ASPH: variants seen among roughly 807,000 people sequenced by gnomAD.
ASPH encodes the protein aspartate beta-hydroxylase.
A neutral mutation model predicts 118.4 loss-of-function variants in ASPH; 100 were observed. The observed-to-expected ratio is 0.84, with a 90% confidence interval of 0.72 to 1.00. ASPH has a LOEUF of 1.00. ASPH is among the 50% of genes least tolerant of loss of function. The pLI is 0.00. For synonymous variants in ASPH, 315 were observed against 325.6 expected (o/e 0.97, Z 0.35); for missense variants, 920 against 919.5 (o/e 1.00, Z -0.01).
chr8:61,538,594 G>T (rs1820517042), intron 21 of ASPH, among the ~76,000 whole-genome samples: 1 of 152,178 alleles, frequency 6.6e-6, no homozygotes, highest in Non-Finnish European at 1.5e-5. Flanking sequence ...ATTTAGTGCT[G>T]TGTAAGTCTT....
At chr8:61,703,892 A>G (rs1835855012) in intron 1 of ASPH, among the ~76,000 whole-genome samples, 2 of 152,170 alleles carry the variant, frequency 1.3e-5, no homozygotes, top group Non-Finnish European at 2.9e-5. Flanking sequence ...TAGAGTAATC[A>G]AGATTCTGTG....
At chr8:61,567,629 C>A (rs954162094) in intron 16 of ASPH, among the ~76,000 whole-genome samples, 1 of 152,014 alleles carries the variant, frequency 6.6e-6, no homozygotes, top group African/African-American at 2.4e-5. Context: ...GGTCTCCAGC[C>A]CAAGTTCCCG....
At chr8:61,541,452 A>G (rs952191380) in intron 21 of ASPH, among the ~76,000 whole-genome samples, 2 of 152,254 alleles carry the variant, frequency 1.3e-5, no homozygotes, top group African/African-American at 2.4e-5. Context: ...TTTTGGCCAA[A>G]TGTTGCAGCT....
At position 61,525,909 on chromosome 8, in the gene ASPH, A is replaced by T; in HGVS notation, c.1900+68T>A. 2.5e-6 allele frequency: 4 copies of T among 1,589,152 alleles called. No individual in the cohort carries two copies. In the East Asian group the frequency reaches 6.7e-5, roughly 27 times the overall value. On this transcript the variant is annotated intron_variant, in intron 22 of 24. Transcript: ENST00000379454. Reference sequence around the variant, plus strand: ...CAGCTCTGGGAAGCATCACCAGAAGACTCTTGTCAGTACCCACTTCCCATC... The same window carrying T: ...CAGCTCTGGGAAGCATCACCAGAAGTCTCTTGTCAGTACCCACTTCCCATC...
intron 16 of ASPH, among the ~76,000 whole-genome samples, chr8:61,573,812 C>A (rs984203675): frequency 4.6e-5 from 7 of 152,046 alleles, no homozygotes; most frequent in Admixed American, 3.3e-4. Flanking sequence ...GACTAAGACA[C>A]CAAAAGCAAT....
intron 13 of ASPH, among the ~76,000 whole-genome samples, chr8:61,621,343 A>G (rs1370990801): frequency 3.3e-5 from 5 of 151,704 alleles, no homozygotes; most frequent in African/African-American, 1.2e-4. Flanking sequence ...AAAGAAAAGA[A>G]AAGAAAAGAA....
intron 3 of ASPH, chr8:61,668,264 C>A: frequency 6.2e-7 from 1 of 1,609,330 alleles, no homozygotes; most frequent in Non-Finnish European, 8.5e-7. Flanking sequence ...TTGGCTACCC[C>A]ACTGGGTCCT....
intron 1 of ASPH, among the ~76,000 whole-genome samples, chr8:61,697,660 T>A (rs1429390986): frequency 6.6e-6 from 1 of 152,170 alleles, no homozygotes; most frequent in African/African-American, 2.4e-5. Flanking sequence ...ATTTACTAGT[T>A]GATTATAAAG....
intron 13 of ASPH, among the ~76,000 whole-genome samples, chr8:61,621,467 A>G (rs1384592719): frequency 6.6e-6 from 1 of 152,222 alleles, no homozygotes; most frequent in Non-Finnish European, 1.5e-5. Context: ...CTCTGCAAAG[A>G]TAATAATGAA....
intron 15 of ASPH, among the ~76,000 whole-genome samples, chr8:61,581,543 A>G (rs1283011358): frequency 2.6e-5 from 4 of 152,190 alleles, no homozygotes; most frequent in African/African-American, 9.7e-5. Context: ...TTTTGCATCC[A>G]TCAGTATACC....
intron 14 of ASPH, among the ~76,000 whole-genome samples, chr8:61,617,138 A>T (rs1207521129): frequency 6.6e-6 from 1 of 152,170 alleles, no homozygotes; most frequent in Non-Finnish European, 1.5e-5. Flanking sequence ...TAAATTTGGC[A>T]ATCTGTGGCA....
chr8:61,515,374 A>G (rs1810505357), intron 24 of ASPH, among the ~76,000 whole-genome samples: 1 of 152,106 alleles, frequency 6.6e-6, no homozygotes, highest in African/African-American at 2.4e-5. Context: ...TGCCTGAAGA[A>G]ACTTCTGCCT....
At chr8:61,542,723 A>G (rs1586804489) in intron 21 of ASPH, among the ~76,000 whole-genome samples, 3 of 152,026 alleles carry the variant, frequency 2.0e-5, no homozygotes, top group East Asian at 3.9e-4. Context: ...TTGTATTACC[A>G]TCTGGTATCT....
At chr8:61,690,511 T>G (rs530395793) in intron 1 of ASPH, among the ~76,000 whole-genome samples, 1 of 152,258 alleles carries the variant, frequency 6.6e-6, no homozygotes, top group South Asian at 2.1e-4. Flanking sequence ...GATTTTTTTT[T>G]TCAACTTCTC....
chr8:61,672,820 T>A (rs1380133414), intron 3 of ASPH, among the ~76,000 whole-genome samples: 1 of 152,184 alleles, frequency 6.6e-6, no homozygotes, highest in Non-Finnish European at 1.5e-5. Flanking sequence ...TCACTGAGTT[T>A]CTTTAAGCAT....
intron 21 of ASPH, among the ~76,000 whole-genome samples, chr8:61,537,755 A>G (rs944836875): frequency 6.6e-6 from 1 of 152,166 alleles, no homozygotes; most frequent in African/African-American, 2.4e-5. Flanking sequence ...TATAGTTTGC[A>G]ATTATTCTGA....
At chr8:61,602,244 A>G (rs1844202339) in intron 14 of ASPH, among the ~76,000 whole-genome samples, 3 of 151,616 alleles carry the variant, frequency 2.0e-5, no homozygotes, top group South Asian at 4.1e-4. Flanking sequence ...CAAGATATAT[A>G]AGGAATAATG....
chr8:61,578,007 T>C (rs1835929047), intron 15 of ASPH, among the ~76,000 whole-genome samples: 1 of 152,130 alleles, frequency 6.6e-6, no homozygotes, highest in Non-Finnish European at 1.5e-5. Context: ...AAAGTCAAAG[T>C]CCAAAGTCTC....
chr8:61,588,292 T>C (rs1266738367), intron 14 of ASPH, among the ~76,000 whole-genome samples: 1 of 152,168 alleles, frequency 6.6e-6, no homozygotes, highest in Non-Finnish European at 1.5e-5. Context: ...AGGCTGTGGT[T>C]GAAATATTAA....
Sources: allele counts gnomAD v4.1 joint callset (sites outside exome capture counted in the v4.1 genomes callset), GRCh38; gene constraint gnomAD v4.1.1; transcripts MANE v1.5; gene names NCBI Gene and HGNC (gene_info 2026-07-23, HGNC 2026-07-21).